Variants in BZW2 observed in about 807,000 individuals in gnomAD.
BZW2 encodes basic leucine zipper and W2 domains 2.
Under a neutral mutation model 53.2 loss-of-function variants are expected in BZW2, and 23 were observed. The observed-to-expected ratio is 0.43, with a 90% CI of 0.31 to 0.61. The LOEUF is 0.61. Ranked by LOEUF, BZW2 falls within the 20% of genes least tolerant of loss-of-function variation. The pLI is 0.09. For missense variants in BZW2, 409 were observed against 503.1 expected (o/e 0.81, Z 1.79); for synonymous variants, 227 against 186.4 (o/e 1.22, Z -1.77).
chr7:16,681,429 G>A (rs1408591242), intron 4 of BZW2, 25 bp downstream of exon 4: 3 of 1,588,466 alleles, frequency 1.9e-6, no homozygotes, highest in Middle Eastern at 1.7e-4. Context: ...AGAGACTGAA[G>A]CATTTGAAGA....
intron 6 of BZW2, among the ~76,000 whole-genome samples, chr7:16,688,793 G>T (rs1783209620): frequency 6.6e-6 from 1 of 152,118 alleles, no homozygotes; most frequent in African/African-American, 2.4e-5. Context: ...GAAATAAGTG[G>T]TAATGTAAAT....
At chr7:16,700,995 G>A (rs1174358808) in intron 10 of BZW2, among the ~76,000 whole-genome samples, 1 of 151,902 alleles carries the variant, frequency 6.6e-6, no homozygotes, top group Admixed American at 6.6e-5. Flanking sequence ...CAGAAACTTG[G>A]GCATATGATT....
chr7:16,671,484 T>C (rs779223519), intron 2 of BZW2, among the ~76,000 whole-genome samples: 1 of 152,204 alleles, frequency 6.6e-6, no homozygotes, highest in Non-Finnish European at 1.5e-5. Flanking sequence ...AAGCTTGAAA[T>C]GTCCTTTCAC....
Position 16,696,388 on chromosome 7 carries a change from A to G in BZW2, c.823-527A>G, listed in dbSNP as rs76013800. ...TGAATTGATGTATATGAAATTTAAA[A>G]ATTGCCTTTGCACTTACAATTTATT... On this transcript the variant is annotated intron_variant, in intron 8 of 11. Coordinates refer to ENST00000258761, the MANE Select transcript of BZW2 (RefSeq NM_014038.3). 5.9e-3 allele frequency among the ~76,000 whole-genome samples: 896 copies of G among 152,316 alleles called. 7 individuals are homozygous for G. The highest frequency in any genetic ancestry group is 0.02 in the African/African-American group (846 of 41,564).
chr7:16,659,072 G>C (rs1033999939), intron 1 of BZW2, among the ~76,000 whole-genome samples: 2 of 150,942 alleles, frequency 1.3e-5, no homozygotes, highest in Non-Finnish European at 3.0e-5. Context: ...GACCAGCCTG[G>C]GCAACATGGC....
intron 2 of BZW2, 115 bp downstream of exon 2, chr7:16,665,616 C>T (rs1194833536): frequency 1.2e-5 from 18 of 1,501,674 alleles, no homozygotes; most frequent in Non-Finnish European, 1.6e-5. Context: ...CTCATTTGAG[C>T]TCTGAGTGTA....
rs375929486 is a variant in BZW2, at chr7:16,673,188, C to T, written c.59-1224C>T. The stretch of plus-strand genomic sequence containing the variant: ...GTCTCAATCTTCTGACCTCGTGATC[C>T]GCCCGCCTCGGCCTCCCAAAGTGCT... On this transcript the variant is annotated intron_variant, in intron 2 of 11. Transcript: ENST00000258761. 4.5e-3 allele frequency among the ~76,000 whole-genome samples: 691 copies of T among 152,184 alleles called. 6 individuals carry two copies. Among genetic ancestry groups the T allele is most frequent in the African/African-American group, 0.016 (660 of 41,520 alleles).
chr7:16,647,672 G>C (rs915667959), intron 1 of BZW2, among the ~76,000 whole-genome samples: 1 of 152,136 alleles, frequency 6.6e-6, no homozygotes. Flanking sequence ...CAAGTAGTAA[G>C]GCTCCTGAGA....
chr7:16,698,453 GA>G (rs1011900371), intron 10 of BZW2, among the ~76,000 whole-genome samples: 2 of 151,668 alleles, frequency 1.3e-5, no homozygotes, highest in Non-Finnish European at 2.9e-5. Flanking sequence ...GGGGTTGGTG[GA>G]AAAAAAATGT....
At chr7:16,651,071 A>C (rs1781975684) in intron 1 of BZW2, among the ~76,000 whole-genome samples, 1 of 152,202 alleles carries the variant, frequency 6.6e-6, no homozygotes, top group African/African-American at 2.4e-5. Context: ...AGAAAGAATA[A>C]TGCCCTGTAT....
At chr7:16,653,556 C>G (rs574517774) in intron 1 of BZW2, among the ~76,000 whole-genome samples, 1 of 152,176 alleles carries the variant, frequency 6.6e-6, no homozygotes, top group Non-Finnish European at 1.5e-5. Flanking sequence ...AGCTCCTTTC[C>G]TCTAGGTGGA....
intron 1 of BZW2, among the ~76,000 whole-genome samples, chr7:16,657,687 T>G (rs1782154878): frequency 6.6e-6 from 1 of 152,198 alleles, no homozygotes; most frequent in Non-Finnish European, 1.5e-5. Context: ...TAAACTTTTT[T>G]TTTTCTAAAA....
At chr7:16,701,747 G>A (rs1287066636) in intron 10 of BZW2, among the ~76,000 whole-genome samples, 2 of 151,988 alleles carry the variant, frequency 1.3e-5, no homozygotes, top group African/African-American at 4.8e-5. Context: ...GTGTTGAATC[G>A]ATACTATAGG....
intron 7 of BZW2, among the ~76,000 whole-genome samples, chr7:16,690,440 A>C (rs1363446831): frequency 6.6e-6 from 1 of 152,072 alleles, no homozygotes; most frequent in East Asian, 1.9e-4. Flanking sequence ...CCTGACCTCA[A>C]GTAATCCGCC....
At chr7:16,684,007 G>C (rs1310593354) in intron 5 of BZW2, among the ~76,000 whole-genome samples, 2 of 152,156 alleles carry the variant, frequency 1.3e-5, no homozygotes, top group African/African-American at 4.8e-5. Flanking sequence ...GAATCCATTA[G>C]CATGGATATA....
In BZW2 at chr7:16,686,107, A is replaced by C. The variant is rs762384323; in HGVS notation, c.541+67A>C. ...AAAAATAAAGTCACAGATAGTTAGA[A>C]AAATGCCAGTGGCTCTTTTTGGTGT... On this transcript the variant is annotated intron_variant, in intron 6 of 11. Transcript: ENST00000258761. 72 of 1,582,506 alleles carry C rather than the reference A, an allele frequency of 4.5e-5. No individual in the cohort carries two copies. In the East Asian group the frequency reaches 1.6e-3, roughly 35 times the overall value.
intron 5 of BZW2, among the ~76,000 whole-genome samples, chr7:16,684,050 A>G (rs1783039584): frequency 6.6e-6 from 1 of 152,242 alleles, no homozygotes; most frequent in Non-Finnish European, 1.5e-5. Context: ...TCACCACAGT[A>G]TTGAAAAATA....
chr7:16,703,199 A>C (rs1002930258), intron 10 of BZW2, among the ~76,000 whole-genome samples: 1 of 152,234 alleles, frequency 6.6e-6, no homozygotes, highest in Non-Finnish European at 1.5e-5. Context: ...ATAAGTCTAC[A>C]GGACCCCTGA....
At chr7:16,703,653 C>T (rs900873033) in intron 10 of BZW2, among the ~76,000 whole-genome samples, 1 of 152,084 alleles carries the variant, frequency 6.6e-6, no homozygotes, top group Non-Finnish European at 1.5e-5. Context: ...GATTCCCAAA[C>T]AACAACCCAT....
Sources: gnomAD v4.1 joint callset for allele counts (sites outside exome capture counted in the v4.1 genomes callset) on GRCh38, gnomAD v4.1.1 for gene constraint, MANE v1.5 for transcripts, NCBI Gene and HGNC (gene_info 2026-07-23, HGNC 2026-07-21) for gene names.